PIGQ: variants seen among roughly 807,000 people sequenced by gnomAD.
The protein encoded by PIGQ is phosphatidylinositol glycan anchor biosynthesis class Q, also known as phosphatidylinositol N-acetylglucosaminyltransferase subunit Q.
A neutral mutation model predicts 60.3 loss-of-function variants in PIGQ; 54 were observed. The observed-to-expected ratio is 0.90, with a 90% CI of 0.72 to 1.12. The LOEUF is 1.12. PIGQ is among the 50% of genes most tolerant of loss of function. PIGQ has a pLI of 0.00. For missense variants in PIGQ, 799 were observed against 793.5 expected, an observed-to-expected ratio of 1.01 and a Z score of -0.08; for synonymous variants, 416 against 363.7, an observed-to-expected ratio of 1.14 and a Z score of -1.64.
intron 10 of PIGQ, 113 bp downstream of exon 10, chr16:582,422 G>C: frequency 2.6e-6 from 2 of 776,986 alleles, no homozygotes; most frequent in South Asian, 3.6e-5. Flanking sequence ...ATGAGGTACA[G>C]GGAGGGCCCA....
rs749342361 is a variant in PIGQ at position 578,782 on chromosome 16, C to G, written c.1070-3C>G. 1 of 1,612,614 alleles carries G rather than the reference C, an allele frequency of 6.2e-7. No individual in the cohort carries two copies. On this transcript the variant is annotated splice_polypyrimidine_tract_variant and splice_region_variant and intron_variant, in intron 5 of 10. Coordinates refer to ENST00000321878, the MANE Select transcript of PIGQ (RefSeq NM_004204.5). ...CTCCTGAGGGCCTACCCCACCCTGCCAGGCTACATCCACCTCATGTCCCCC... is the reference window on the plus strand; with the variant it reads ...CTCCTGAGGGCCTACCCCACCCTGCGAGGCTACATCCACCTCATGTCCCCC...
intron 8 of PIGQ, chr16:580,535 T>G: frequency 1.8e-6 from 1 of 550,606 alleles, no homozygotes; most frequent in Non-Finnish European, 3.3e-6. Flanking sequence ...AGGCCTCCCC[T>G]GGTGCCTGGC....
Position 577,393 on chromosome 16 carries a change from C to T in PIGQ, c.943-986C>T, listed in dbSNP as rs556543053. ...GAGATCGAGACCATCCTGGCTAACACAGTGAAATCCCGTCTCTACTAAAAA... is the reference window on the plus strand; with the variant it reads ...GAGATCGAGACCATCCTGGCTAACATAGTGAAATCCCGTCTCTACTAAAAA... On this transcript the variant is annotated intron_variant, in intron 4 of 10. Transcript: ENST00000321878. Among the ~76,000 whole-genome samples the T allele has an allele frequency of 4.7e-3, 709 of 152,048 alleles. 2 individuals are homozygous for T. Among genetic ancestry groups the T allele is most frequent in the East Asian group, 0.016 (82 of 5,160 alleles).
In PIGQ at chr16:582,973, C is replaced by T. The variant is rs759310444; in HGVS notation, c.1684C>T (p.Arg562Cys). 1.3e-5 allele frequency: 21 copies of T among 1,612,968 alleles called. No individual in the cohort carries two copies. In the East Asian group the frequency reaches 2.2e-4, roughly 17 times the overall value. ...CAAGCACTCCTGGGGCGCCCTGTGC[C>T]GCAAGCTGTTCCTTGGGGAGCTCAT... ...HPKHSWGALC[R>C]KLFLGELIYP... Residue 562 changes from arginine to cysteine, a missense_variant, in exon 11 of 11, where the codon CGC (arginine) becomes TGC (cysteine). By Grantham distance (180) the Arg-to-Cys change is radical. Coordinates refer to ENST00000321878, the MANE Select transcript of PIGQ (RefSeq NM_004204.5).
At position 583,029 on chromosome 16, in the gene PIGQ, G is replaced by A. The variant is rs779225248; in HGVS notation, c.1740G>A (p.Gln580=). ...CCTGGAGGCAGAGAGGGGACAAGCAGGACTGAGGGAACTGCTGGCTCGCCT... is the reference window on the plus strand; with the variant it reads ...CCTGGAGGCAGAGAGGGGACAAGCAAGACTGAGGGAACTGCTGGCTCGCCT... ...IYPWRQRGDK[Q]D Residue 580 remains glutamine, a synonymous_variant, in exon 11 of 11, where the codon CAG becomes CAA. Coordinates refer to ENST00000321878, the MANE Select transcript of PIGQ (RefSeq NM_004204.5). 2.3e-5 allele frequency: 37 copies of A among 1,613,006 alleles called. No individual in the cohort carries two copies. Among genetic ancestry groups the A allele is most frequent in the Non-Finnish European group, 3.0e-5 (35 of 1,179,988 alleles).
intron 7 of PIGQ, 69 bp from the exon 8 acceptor site, chr16:580,114 G>A: frequency 1.7e-6 from 2 of 1,195,802 alleles, no homozygotes; most frequent in Non-Finnish European, 1.2e-6. Context: ...GATGGGGGAG[G>A]GCACAGTGCT....
intron 1 of PIGQ, among the ~76,000 whole-genome samples, chr16:571,081 G>GGCTAGCC (rs1408365646): frequency 4.7e-5 from 1 of 21,074 alleles, no homozygotes. Context: ...GTGTGTGTGT[G>GGCTAGCC]TGTGTGTGTG....
chr16:571,622 G>A (rs1174599390), intron 1 of PIGQ, among the ~76,000 whole-genome samples: 2 of 149,036 alleles, frequency 1.3e-5, no homozygotes, highest in African/African-American at 5.0e-5. Flanking sequence ...GTGTGTGTGT[G>A]TGTGTGTGTG....
At chr16:578,609 C>T (rs1014955863) in intron 5 of PIGQ, 104 bp downstream of exon 5, 11 of 1,449,504 alleles carry the variant, frequency 7.6e-6, no homozygotes, top group African/African-American at 1.4e-5. Flanking sequence ...TGCTCCCCAG[C>T]GTCCTGTGTG....
intron 4 of PIGQ, chr16:578,086 TGA>T: frequency 3.1e-6 from 1 of 319,672 alleles, no homozygotes; most frequent in South Asian, 4.0e-5. Context: ...GCCGAGGTAG[TGA>T]GAGGGGAGGA....
At position 584,027 on chromosome 16, in the gene PIGQ, CAGGACTGCCT is replaced by C. The variant is rs2035860982; in HGVS notation, c.*993_*1002del. On this transcript the variant is annotated 3_prime_UTR_variant, in exon 11 of 11. Coordinates refer to ENST00000321878, the MANE Select transcript of PIGQ (RefSeq NM_004204.5). ...GAGGCAGCGCCCATCTCAGCAGCAC[CAGGACTGCCT>C]GGGACTCCCTGGCAACCCAGCACCG... 1 of 348,284 alleles carries C rather than the reference CAGGACTGCCT, an allele frequency of 2.9e-6. No individual in the cohort carries two copies. The highest frequency in any genetic ancestry group is 5.6e-6 in the Non-Finnish European group (1 of 177,520). The allele number at this position is 348,284 out of a possible 1,614,324, so 21.6% of individuals were successfully genotyped here.
chr16:576,033 C>A, intron 3 of PIGQ, 63 bp downstream of exon 3: 1 of 1,550,160 alleles, frequency 6.5e-7, no homozygotes, highest in South Asian at 1.2e-5. Flanking sequence ...TCTCCATCCC[C>A]CTCTGCACCA....
chr16:574,530 T>C lies in PIGQ; in HGVS notation c.456T>C (p.Ala152=). 6.2e-7 allele frequency: 1 copy of C among 1,606,888 alleles called. No homozygotes were observed. The highest frequency in any genetic ancestry group is 1.7e-5 in the Admixed American group (1 of 59,484). The change falls in exon 2 of 11, where the codon GCT becomes GCC. Residue 152 remains alanine (A), a synonymous_variant. Coordinates refer to ENST00000321878, the MANE Select transcript of PIGQ (RefSeq NM_004204.5). ...CCACCGTCCTGCCCGACCGCCAGGCTGGAGCCACCACTGCCAGCACGGGGG... is the reference window on the plus strand; with the variant it reads ...CCACCGTCCTGCCCGACCGCCAGGCCGGAGCCACCACTGCCAGCACGGGGG... ...HLPTVLPDRQ[A]GATTASTGGL... is the part of the protein sequence containing the mutation.
chr16:581,249 G>T, intron 9 of PIGQ: 2 of 1,391,348 alleles, frequency 1.4e-6, no homozygotes, highest in South Asian at 1.3e-5. Context: ...TTCTGCCTTG[G>T]GATTTTCTGG....
At chr16:576,431 G>GCCCT in intron 4 of PIGQ, 177 bp downstream of exon 4, 1 of 745,952 alleles carries the variant, frequency 1.3e-6, no homozygotes, top group Non-Finnish European at 2.1e-6. Context: ...GCTGGGGCCT[G>GCCCT]GGCAGGGCAG....
At chr16:578,229 G>A (rs529957964) in intron 4 of PIGQ, 150 bp from the exon 5 acceptor site, 3 of 715,740 alleles carry the variant, frequency 4.2e-6, no homozygotes, top group Admixed American at 2.9e-5. Flanking sequence ...ATCTGTGAAG[G>A]GGAGCCCGTG....
At position 579,135 on chromosome 16, in the gene PIGQ, C is replaced by G. The variant is rs778584620; in HGVS notation, c.1290C>G (p.Asn430Lys). Reference sequence around the variant, plus strand: ...GTCTGTTCCGGGGGAAGAAGTGGAACGTTCTGCGCCAGCGCGTGGACTCCT... The same window carrying G: ...GTCTGTTCCGGGGGAAGAAGTGGAAGGTTCTGCGCCAGCGCGTGGACTCCT... ...LWRLFRGKKWNVLRQRVDSCS... is the reference protein window; with the variant it reads ...LWRLFRGKKWKVLRQRVDSCS... Residue 430 changes from asparagine to lysine, a missense_variant, in exon 7 of 11, where the codon AAC (asparagine) becomes AAG (lysine). Physicochemically the swap from Asn to Lys is moderately conservative, Grantham distance 94. Transcript: ENST00000321878. 6.2e-7 allele frequency: 1 copy of G among 1,612,996 alleles called. No homozygotes were observed.
rs145222355 is a variant in PIGQ at position 580,837 on chromosome 16, C to T, written c.1417-21C>T. The T allele has an allele frequency of 4.7e-4, 544 of 1,153,372 alleles. No individual in the cohort carries two copies. The African/African-American group carries it at 7.1e-3, about 15-fold the overall frequency. The allele number at this position is 1,153,372 out of a possible 1,614,324, so 71.4% of individuals were successfully genotyped here. Reference sequence around the variant, plus strand: ...CCAGGCGCGTCTGGCCGGGCCGGTCCTAAATGCTCCTCTGCCACAGCTCCG... The same window carrying T: ...CCAGGCGCGTCTGGCCGGGCCGGTCTTAAATGCTCCTCTGCCACAGCTCCG... On this transcript the variant is annotated intron_variant, in intron 8 of 10. Coordinates refer to ENST00000321878, the MANE Select transcript of PIGQ (RefSeq NM_004204.5).
At chr16:576,880 T>C (rs1342869009) in intron 4 of PIGQ, 3 of 184,996 alleles carry the variant, frequency 1.6e-5, no homozygotes, top group Non-Finnish European at 3.3e-5. Context: ...TCTCTTCCAT[T>C]AGGAGCTTGT....
Sources: allele counts gnomAD v4.1 joint callset (sites outside exome capture counted in the v4.1 genomes callset), GRCh38; gene constraint gnomAD v4.1.1; transcripts MANE v1.5; gene names NCBI Gene and HGNC (gene_info 2026-07-23, HGNC 2026-07-21).